Variants in PHKA1 observed in about 807,000 individuals in gnomAD.
The protein encoded by PHKA1 is phosphorylase kinase regulatory subunit alpha 1.
PHKA1 carries 60 observed loss-of-function variants against 110.2 expected under a neutral mutation model. The ratio of observed to expected loss-of-function variants is 0.54; its 90% CI spans 0.44 to 0.68. The LOEUF (loss-of-function observed/expected upper bound fraction) is 0.68, where lower values mean the gene tolerates loss of function less well. PHKA1 is among the 30% of genes least tolerant of loss of function. The probability of loss-of-function intolerance (pLI) is 0.00; values close to 1 mark genes in which losing one functional copy is unlikely to be tolerated. For missense variants in PHKA1, 801 were observed against 942.5 expected, an observed-to-expected ratio of 0.85 and a Z score of 1.97; for synonymous variants, 316 against 333.6, an observed-to-expected ratio of 0.95 and a Z score of 0.58.
chrX:72,695,957 C>T, intron 3 of PHKA1, 81 bp from the exon 4 acceptor site: 1 of 785,594 alleles, frequency 1.3e-6, no homozygotes, highest in South Asian at 2.1e-5. Flanking sequence ...CTCTAACATA[C>T]ATTATTGCAA....
At chrX:72,696,552 T>C (rs1376474662) in intron 3 of PHKA1, among the ~76,000 whole-genome samples, 1 of 111,629 alleles carries the variant, frequency 9.0e-6, no homozygotes, top group Non-Finnish European at 1.9e-5. Context: ...CACCAACCTG[T>C]GACCTGGAAG....
At chrX:72,653,370 G>A (rs868996386) in intron 11 of PHKA1, 65 bp downstream of exon 11, 1 of 680,018 alleles carries the variant, frequency 1.5e-6, no homozygotes, top group African/African-American at 2.1e-5. Flanking sequence ...CTCAAATGAG[G>A]TAGTCTGATC....
rs1313553879 is a variant in PHKA1 at position 72,622,287 on chromosome X, CA to C, written c.1960+821del. The C allele has an allele frequency of 1.6e-5, 12 of 752,257 alleles. No homozygotes were observed. In the African/African-American group the frequency reaches 2.1e-4, roughly 13 times the overall value. The allele number at this position is 752,257 out of a possible 1,213,427, so 62.0% of individuals were successfully genotyped here. On this transcript the variant is annotated intron_variant, in intron 18 of 31. Coordinates refer to ENST00000373542, the MANE Select transcript of PHKA1 (RefSeq NM_002637.4). The stretch of plus-strand genomic sequence containing the variant: ...TGCTGGCTGACCTCACTGAGGGCAG[CA>C]AATTTATTTTTTTCTTTTCTCCAAC...
chrX:72,657,876 C>T (rs191685419), intron 8 of PHKA1, among the ~76,000 whole-genome samples: 1 of 111,884 alleles, frequency 8.9e-6, no homozygotes, highest in East Asian at 2.8e-4. Flanking sequence ...GTGACAGGCT[C>T]TTCACTAAAG....
intron 9 of PHKA1, among the ~76,000 whole-genome samples, chrX:72,656,734 G>C (rs1343607933): frequency 1.8e-5 from 2 of 111,840 alleles, no homozygotes; most frequent in African/African-American, 6.5e-5. Flanking sequence ...GGATAATCTA[G>C]TGGGAAAATT....
rs1334308866 is a variant in PHKA1, at chrX:72,656,063, G to A, written c.1041+57C>T. 5 of 1,173,275 alleles carry A rather than the reference G, an allele frequency of 4.3e-6. No individual in the cohort carries two copies. The African/African-American group carries it at 8.8e-5, about 21-fold the overall frequency. On this transcript the variant is annotated intron_variant, in intron 10 of 31. Coordinates refer to ENST00000373542, the MANE Select transcript of PHKA1 (RefSeq NM_002637.4). ...TGGACACAGGGTTGGTATACTATTA[G>A]CTGTAAGAAGATATAACAAAAACAT... is the stretch of plus-strand genomic sequence containing the variant.
chrX:72,686,200 G>A (rs782571044), intron 4 of PHKA1, among the ~76,000 whole-genome samples: 1 of 111,473 alleles, frequency 9.0e-6, no homozygotes, highest in Non-Finnish European at 1.9e-5. Context: ...CACGCCCTTC[G>A]TAAGTCAGCA....
intron 6 of PHKA1, among the ~76,000 whole-genome samples, chrX:72,669,246 C>T (rs1439719161): frequency 9.0e-6 from 1 of 111,680 alleles, no homozygotes; most frequent in Non-Finnish European, 1.9e-5. Flanking sequence ...TCTGTGGAAG[C>T]TGCAACCCCA....
intron 21 of PHKA1, among the ~76,000 whole-genome samples, chrX:72,612,356 T>C (rs1556262121): frequency 9.0e-6 from 1 of 111,579 alleles, no homozygotes; most frequent in Non-Finnish European, 1.9e-5. Context: ...ATAAAGGAAG[T>C]GGGGCTTCTT....
chrX:72,635,945 TA>T (rs782338481), intron 15 of PHKA1, among the ~76,000 whole-genome samples: 1 of 112,031 alleles, frequency 8.9e-6, no homozygotes. Context: ...AGTAGCTGAA[TA>T]AAAAAGGTTG....
In PHKA1 at chrX:72,602,260, A is replaced by G; in HGVS notation, c.2931T>C (p.Asp977=). 1 of 1,166,108 alleles carries G rather than the reference A, an allele frequency of 8.6e-7. No individual in the cohort carries two copies. Among genetic ancestry groups the G allele is most frequent in the Non-Finnish European group, 1.2e-6 (1 of 854,175 alleles). Residue 977 remains aspartate (D), a synonymous_variant, in exon 27 of 32, where the codon GAT becomes GAC. Coordinates refer to ENST00000373542, the MANE Select transcript of PHKA1 (RefSeq NM_002637.4). ...TAGAAATAGCAGGACTGACATTTGA[A>G]TCAGTGGGACGAACTATGTAGTATG... ...FGVERSVRPT[D]SNVSPAISIH...
chrX:72,669,149 C>G (rs1556307671), intron 6 of PHKA1, among the ~76,000 whole-genome samples: 1 of 111,357 alleles, frequency 9.0e-6, no homozygotes, highest in African/African-American at 3.3e-5. Context: ...AGTCTGGTAT[C>G]TGAAGCTTTC....
chrX:72,667,477 T>G lies in PHKA1; in HGVS notation c.619-4A>C. 1 of 1,188,302 alleles carries G rather than the reference T, an allele frequency of 8.4e-7. No individual in the cohort carries two copies. The highest frequency in any genetic ancestry group is 1.1e-6 in the Non-Finnish European group (1 of 874,097). On this transcript the variant is annotated splice_region_variant and splice_polypyrimidine_tract_variant and intron_variant, in intron 6 of 31. Coordinates refer to ENST00000373542, the MANE Select transcript of PHKA1 (RefSeq NM_002637.4). ...CATCTAATGCTTCCAGGGCTGCCTG[T>G]GAGGAACAAGAAAGAAATGGACAAG...
intron 11 of PHKA1, among the ~76,000 whole-genome samples, chrX:72,653,019 C>A (rs1284757015): frequency 1.2e-4 from 13 of 111,588 alleles, no homozygotes; most frequent in African/African-American, 4.2e-4. Context: ...AGAAGAGGAA[C>A]AATGTTACAC....
intron 3 of PHKA1, among the ~76,000 whole-genome samples, chrX:72,703,940 C>T (rs1235861889): frequency 9.0e-6 from 1 of 111,563 alleles, no homozygotes; most frequent in African/African-American, 3.3e-5. Flanking sequence ...TAGGATAAAA[C>T]AATTTTTTAA....
chrX:72,631,242 A>C (rs782024215), intron 16 of PHKA1, among the ~76,000 whole-genome samples: 4 of 111,483 alleles, frequency 3.6e-5, no homozygotes, highest in African/African-American at 1.3e-4. Context: ...TGTGTGTTAA[A>C]GTGTTTTTAT....
At chrX:72,639,517 G>T (rs1006881980) in intron 14 of PHKA1, among the ~76,000 whole-genome samples, 4 of 111,339 alleles carry the variant, frequency 3.6e-5, no homozygotes, top group African/African-American at 1.3e-4. Flanking sequence ...GCCAGCCTGG[G>T]CAACAAGAGC....
chrX:72,591,175 A>T (rs1423327079), intron 29 of PHKA1, among the ~76,000 whole-genome samples: 1 of 112,367 alleles, frequency 8.9e-6, no homozygotes. Context: ...ATGCCCATCA[A>T]TGATAGACTG....
chrX:72,600,116 A>G (rs2052639917), intron 28 of PHKA1, among the ~76,000 whole-genome samples: 1 of 110,686 alleles, frequency 9.0e-6, no homozygotes, highest in African/African-American at 3.3e-5. Flanking sequence ...TAGGGAAAAA[A>G]TGGCTTAGAA....
Sources: allele counts gnomAD v4.1 joint callset (sites outside exome capture counted in the v4.1 genomes callset), GRCh38; gene constraint gnomAD v4.1.1; transcripts MANE v1.5; gene names NCBI Gene and HGNC (gene_info 2026-07-23, HGNC 2026-07-21).